The following TRAPPC8 variants were observed in gnomAD, a reference collection of about 807,000 sequenced individuals.
The protein encoded by TRAPPC8 is trafficking protein particle complex subunit 8, also known as general sporulation gene 1 homolog.
TRAPPC8 carries 54 observed loss-of-function variants against 174.3 expected under a neutral mutation model. The ratio of observed to expected loss-of-function variants is 0.31; its 90% CI spans 0.25 to 0.39. The LOEUF is 0.39. TRAPPC8 is among the 10% of genes least tolerant of loss of function. The pLI is 1.00. For missense variants in TRAPPC8, 1,531 were observed against 1,699.1 expected (o/e 0.90, Z 1.74); for synonymous variants, 630 against 579.9 (o/e 1.09, Z -1.24).
At chr18:31,835,732 ACT>A (rs1263001987) in intron 27 of TRAPPC8, among the ~76,000 whole-genome samples, 1 of 151,336 alleles carries the variant, frequency 6.6e-6, no homozygotes, top group Non-Finnish European at 1.5e-5. Context: ...GCAGTTATTC[ACT>A]CTCTCTGTGG....
intron 11 of TRAPPC8, among the ~76,000 whole-genome samples, chr18:31,893,052 T>G (rs569004525): frequency 6.6e-6 from 1 of 152,034 alleles, no homozygotes; most frequent in African/African-American, 2.4e-5. Context: ...CAACATCTTG[T>G]TCCTTAACAT....
At chr18:31,918,721 C>T (rs913575055) in intron 2 of TRAPPC8, among the ~76,000 whole-genome samples, 4 of 152,176 alleles carry the variant, frequency 2.6e-5, no homozygotes, top group Non-Finnish European at 5.9e-5. Flanking sequence ...CAATCAAATA[C>T]AAACAAGTGT....
intron 2 of TRAPPC8, among the ~76,000 whole-genome samples, chr18:31,925,541 A>C (rs2037578508): frequency 6.6e-6 from 1 of 152,184 alleles, no homozygotes; most frequent in Non-Finnish European, 1.5e-5. Flanking sequence ...ACATCCAACT[A>C]ACAGTAGTTT....
intron 27 of TRAPPC8, among the ~76,000 whole-genome samples, chr18:31,833,617 T>C (rs1377401443): frequency 6.6e-6 from 1 of 152,204 alleles, no homozygotes; most frequent in African/African-American, 2.4e-5. Context: ...CACTTGAGTA[T>C]GCACCAGAAA....
rs192010710 is a variant in TRAPPC8, at chr18:31,902,941, C to T, written c.1390-1916G>A. On this transcript the variant is annotated intron_variant, in intron 9 of 28. Transcript: ENST00000283351. ...GCGGGCGCCTGTAGTCCCAGCTACT[C>T]GGGAGGCTGAGGCAGGAGAATGGCG... 3.4e-3 allele frequency among the ~76,000 whole-genome samples: 515 copies of T among 151,580 alleles called. 4 individuals carry two copies. The highest frequency in any genetic ancestry group is 0.012 in the African/African-American group (488 of 41,298).
chr18:31,922,755 C>T (rs1490610531), intron 2 of TRAPPC8, among the ~76,000 whole-genome samples: 2 of 150,074 alleles, frequency 1.3e-5, no homozygotes, highest in Admixed American at 6.6e-5. Context: ...CAGTGGCTCA[C>T]GCCTGTAATC....
At chr18:31,868,050 T>C (rs1423881001) in intron 16 of TRAPPC8, among the ~76,000 whole-genome samples, 1 of 152,116 alleles carries the variant, frequency 6.6e-6, no homozygotes, top group African/African-American at 2.4e-5. Flanking sequence ...GTCAATTACA[T>C]AGAAAAGATA....
chr18:31,903,144 T>G (rs1598710446), intron 9 of TRAPPC8, among the ~76,000 whole-genome samples: 1 of 143,194 alleles, frequency 7.0e-6, no homozygotes. Context: ...GTGTGTGTGT[T>G]TTCCCTGTGA....
At chr18:31,857,399 G>A (rs2034078922) in intron 20 of TRAPPC8, 141 bp downstream of exon 20, 1 of 795,572 alleles carries the variant, frequency 1.3e-6, no homozygotes. Flanking sequence ...TTCTATTTGA[G>A]ACAATTTCAG....
intron 2 of TRAPPC8, among the ~76,000 whole-genome samples, chr18:31,921,450 C>T (rs2145570941): frequency 6.6e-6 from 1 of 152,022 alleles, no homozygotes; most frequent in Middle Eastern, 3.4e-3. Flanking sequence ...CCTGTCTCTA[C>T]TAAAAATACA....
Position 31,851,971 on chromosome 18 carries a change from G to C in TRAPPC8, c.3561+475C>G, listed in dbSNP as rs2033728721. 2.0e-5 allele frequency among the ~76,000 whole-genome samples: 3 copies of C among 152,060 alleles called. No homozygotes were observed. The South Asian group carries it at 6.2e-4, about 32-fold the overall frequency. ...CTACTTAAAATGGTATAGTCCATAA[G>C]CATTTTTGGTTTGTTTTGGGGACTG... On this transcript the variant is annotated intron_variant, in intron 24 of 28. Coordinates refer to ENST00000283351, the MANE Select transcript of TRAPPC8 (RefSeq NM_014939.5).
At chr18:31,831,115 G>A (rs2032341506) in intron 28 of TRAPPC8, 126 bp from the exon 29 acceptor site, 3 of 695,710 alleles carry the variant, frequency 4.3e-6, no homozygotes, top group Admixed American at 2.9e-5. Flanking sequence ...CACTTTGGGA[G>A]GCTGAGGCAG....
chr18:31,901,139 T>C (rs774314401), intron 9 of TRAPPC8, 114 bp from the exon 10 acceptor site: 79 of 801,732 alleles, frequency 9.9e-5, no homozygotes, highest in Middle Eastern at 5.8e-4. Context: ...TGGATACACA[T>C]GTATAAACTT....
At position 31,892,271 on chromosome 18, in the gene TRAPPC8, G is replaced by A. The variant is rs143441493; in HGVS notation, c.1597-1405C>T. Among the ~76,000 whole-genome samples the A allele has an allele frequency of 7.2e-3, 1,102 of 152,084 alleles. 15 individuals are homozygous for A. The highest frequency in any genetic ancestry group is 0.026 in the African/African-American group (1,058 of 41,470). On this transcript the variant is annotated intron_variant, in intron 11 of 28. Coordinates refer to ENST00000283351, the MANE Select transcript of TRAPPC8 (RefSeq NM_014939.5). ...CATGTCACCCCTCCTATATATGTATGTGCATGTGTTTACATGCCTAATACA... is the reference window on the plus strand; with the variant it reads ...CATGTCACCCCTCCTATATATGTATATGCATGTGTTTACATGCCTAATACA...
chr18:31,899,479 G>A (rs1273408326), intron 10 of TRAPPC8, among the ~76,000 whole-genome samples: 15 of 152,148 alleles, frequency 9.9e-5, no homozygotes, highest in Admixed American at 9.8e-4. Flanking sequence ...CATTATAGGG[G>A]TCTTATAGGG....
Position 31,871,047 on chromosome 18 carries a change from T to C in TRAPPC8, c.2136A>G (p.Glu712=). 4 of 1,611,706 alleles carry C rather than the reference T, an allele frequency of 2.5e-6. No homozygotes were observed. Among genetic ancestry groups the C allele is most frequent in the African/African-American group, 1.3e-5 (1 of 74,972 alleles). Reference sequence around the variant, plus strand: ...CCACAGAAACAACTTGTTCCTCAAGTTCTCGCCACTGCTGAGAGGATTCAG... The same window carrying C: ...CCACAGAAACAACTTGTTCCTCAAGCTCTCGCCACTGCTGAGAGGATTCAG... ...YDSESSQQWR[E]LEEQVVSVVN... The change falls in exon 15 of 29, where the codon GAA becomes GAG. Residue 712 remains glutamate (E), a synonymous_variant. Coordinates refer to ENST00000283351, the MANE Select transcript of TRAPPC8 (RefSeq NM_014939.5).
intron 1 of TRAPPC8, among the ~76,000 whole-genome samples, chr18:31,938,186 TTTG>T (rs1324185964): frequency 6.6e-6 from 1 of 151,342 alleles, no homozygotes; most frequent in African/African-American, 2.4e-5. Flanking sequence ...ATTTTAATTT[TTTG>T]TTGTTTGCTT....
intron 1 of TRAPPC8, among the ~76,000 whole-genome samples, chr18:31,937,849 G>A (rs570675766): frequency 2.3e-4 from 35 of 151,906 alleles, no homozygotes; most frequent in African/African-American, 8.0e-4. Flanking sequence ...GACTACAAGC[G>A]CCCACCACCA....
chr18:31,942,396 C>A (rs566368152), intron 1 of TRAPPC8, among the ~76,000 whole-genome samples: 1 of 152,320 alleles, frequency 6.6e-6, no homozygotes, highest in South Asian at 2.1e-4. Flanking sequence ...AGGAAGTGCC[C>A]AGAGAAACTG....
Sources: allele counts gnomAD v4.1 joint callset (sites outside exome capture counted in the v4.1 genomes callset), GRCh38; gene constraint gnomAD v4.1.1; transcripts MANE v1.5; gene names NCBI Gene and HGNC (gene_info 2026-07-23, HGNC 2026-07-21).